The following CFAP77 variants were observed in gnomAD, a reference collection of about 807,000 sequenced individuals.
The protein encoded by CFAP77 is cilia- and flagella-associated protein 77.
Under a neutral mutation model 31.1 loss-of-function variants are expected in CFAP77, and 25 were observed. The observed-to-expected ratio is 0.80, with a 90% CI of 0.59 to 1.12. The LOEUF (loss-of-function observed/expected upper bound fraction) is 1.12, where lower values mean the gene tolerates loss of function less well. CFAP77 is among the 50% of genes most tolerant of loss of function. The pLI is 0.00. For synonymous variants in CFAP77, 151 were observed against 159.9 expected (o/e 0.94, Z 0.42); for missense variants, 377 against 397.3 (o/e 0.95, Z 0.44).
intron 1 of CFAP77, among the ~76,000 whole-genome samples, chr9:132,493,365 CAT>C (rs907990108): frequency 1.3e-5 from 2 of 152,194 alleles, no homozygotes; most frequent in African/African-American, 2.4e-5. Flanking sequence ...GTCTAAGAAA[CAT>C]AGACCAGAGA....
Position 132,501,896 on chromosome 9 carries a change from C to T in CFAP77, c.524+2296C>T, listed in dbSNP as rs1242323284. 6.6e-6 allele frequency among the ~76,000 whole-genome samples: 1 copy of T among 152,202 alleles called. No homozygotes were observed. The highest frequency in any genetic ancestry group is 1.5e-5 in the Non-Finnish European group (1 of 68,040). ...CTACGTGGGCCGATGGTGGAAAAGA[C>T]GTACAGACCAGGGTTGTGTTCCAGG... On this transcript the variant is annotated intron_variant, in intron 3 of 5. Coordinates refer to ENST00000393216, the MANE Select transcript of CFAP77 (RefSeq NM_001282957.2). The surrounding 1 kb of genome is among the most constrained non-coding windows in gnomAD (Gnocchi z 4.6).
chr9:132,446,698 A>G (rs373445066), intron 1 of CFAP77, among the ~76,000 whole-genome samples: 82 of 145,746 alleles, frequency 5.6e-4, no homozygotes, highest in Admixed American at 1.1e-3. Context: ...CAGAGATCAC[A>G]CCACTGCACT....
In CFAP77 at chr9:132,518,333, C is replaced by T. The variant is rs377042372; in HGVS notation, c.524+18733C>T. On this transcript the variant is annotated intron_variant, in intron 3 of 5. Coordinates refer to ENST00000393216, the MANE Select transcript of CFAP77 (RefSeq NM_001282957.2). The stretch of plus-strand genomic sequence containing the variant: ...CTTGACCAAGCTACCTCCACCTGGA[C>T]GAGATGACTGGATCATTCAGACCCG... Among the ~76,000 whole-genome samples the T allele has an allele frequency of 2.6e-3, 398 of 152,260 alleles. 2 individuals carry two copies. Among genetic ancestry groups the T allele is most frequent in the Non-Finnish European group, 3.4e-3 (228 of 68,008 alleles).
chr9:132,555,288 G>C (rs937400469), intron 5 of CFAP77, among the ~76,000 whole-genome samples: 7 of 152,112 alleles, frequency 4.6e-5, no homozygotes, highest in African/African-American at 1.7e-4. Context: ...ATTCCAATAA[G>C]ATAAAAGGGG....
intron 1 of CFAP77, among the ~76,000 whole-genome samples, chr9:132,436,679 C>A (rs897008675): frequency 2.6e-5 from 4 of 152,100 alleles, no homozygotes; most frequent in African/African-American, 9.7e-5. Context: ...TATCTAGTGG[C>A]CATTCCACCA....
chr9:132,462,534 A>G lies in CFAP77; in HGVS notation c.196-36161A>G, dbSNP rs144419978. On this transcript the variant is annotated intron_variant, in intron 1 of 5. Transcript: ENST00000393216. ...CATTTCTATCATCTCCAGGTTTTCAACGTCATAAAACTACACTGCAAGAAC... is the reference window on the plus strand; with the variant it reads ...CATTTCTATCATCTCCAGGTTTTCAGCGTCATAAAACTACACTGCAAGAAC... Among the ~76,000 whole-genome samples the G allele has an allele frequency of 1.2e-3, 177 of 152,258 alleles. 1 individual carries two copies. The highest frequency in any genetic ancestry group is 3.9e-3 in the African/African-American group (163 of 41,570).
chr9:132,423,562 A>G (rs1175250113), intron 1 of CFAP77, among the ~76,000 whole-genome samples: 1 of 152,218 alleles, frequency 6.6e-6, no homozygotes, highest in Non-Finnish European at 1.5e-5. Context: ...AATTGCCCAT[A>G]GTCACCCAGC....
In CFAP77 at chr9:132,511,837, C is replaced by T. The variant is rs1301498426; in HGVS notation, c.524+12237C>T. ...GTGGGAGGCTGAGGCGGGCGGATCA[C>T]GAGGTCAGGAGTTCGACACCAGCCT... On this transcript the variant is annotated intron_variant, in intron 3 of 5. Transcript: ENST00000393216. This position sits in a 1 kb window ranked among gnomAD's most constrained non-coding sequence, Gnocchi z 5.8. Among the ~76,000 whole-genome samples the T allele has an allele frequency of 6.6e-6, 1 of 152,092 alleles. No homozygotes were observed. Among genetic ancestry groups the T allele is most frequent in the Non-Finnish European group, 1.5e-5 (1 of 68,000 alleles).
At chr9:132,472,730 G>A (rs1475081299) in intron 1 of CFAP77, among the ~76,000 whole-genome samples, 1 of 152,152 alleles carries the variant, frequency 6.6e-6, no homozygotes, top group Non-Finnish European at 1.5e-5. Flanking sequence ...CTGCACCACT[G>A]CACTCCAGCC....
intron 1 of CFAP77, among the ~76,000 whole-genome samples, chr9:132,422,395 G>C (rs1850232441): frequency 2.0e-5 from 3 of 152,204 alleles, no homozygotes; most frequent in Admixed American, 1.3e-4. Flanking sequence ...AGGAGTGCAG[G>C]GCACTCAGAG....
At chr9:132,478,622 G>A (rs1851392588) in intron 1 of CFAP77, among the ~76,000 whole-genome samples, 1 of 152,170 alleles carries the variant, frequency 6.6e-6, no homozygotes, top group Non-Finnish European at 1.5e-5. Flanking sequence ...AAAACGCGAG[G>A]CTTCTCCAAG....
Position 132,497,285 on chromosome 9 carries a change from A to G in CFAP77, c.196-1410A>G, listed in dbSNP as rs750227199. Among the ~76,000 whole-genome samples, 3 of 151,848 alleles carry G rather than the reference A, an allele frequency of 2.0e-5. No homozygotes were observed. Among genetic ancestry groups the G allele is most frequent in the Non-Finnish European group, 2.9e-5 (2 of 67,950 alleles). ...CTGGGTGGTCCTTGACCATCTGTCTACCTCTCAGCACCCAGCCTGTGGGAG... is the reference window on the plus strand; with the variant it reads ...CTGGGTGGTCCTTGACCATCTGTCTGCCTCTCAGCACCCAGCCTGTGGGAG... On this transcript the variant is annotated intron_variant, in intron 1 of 5. Coordinates refer to ENST00000393216, the MANE Select transcript of CFAP77 (RefSeq NM_001282957.2). The surrounding 1 kb of genome is among the most constrained non-coding windows in gnomAD (Gnocchi z 4.9).
In CFAP77 at chr9:132,466,440, C is replaced by G. The variant is rs371448063; in HGVS notation, c.196-32255C>G. On this transcript the variant is annotated intron_variant, in intron 1 of 5. Coordinates refer to ENST00000393216, the MANE Select transcript of CFAP77 (RefSeq NM_001282957.2). Reference sequence around the variant, plus strand: ...CTTATACACCAAGTCCCAGGAGGAGCACAGTTCCTGGAACTTGGGTCATGG... The same window carrying G: ...CTTATACACCAAGTCCCAGGAGGAGGACAGTTCCTGGAACTTGGGTCATGG... Among the ~76,000 whole-genome samples, 6 of 152,308 alleles carry G rather than the reference C, an allele frequency of 3.9e-5. No individual in the cohort carries two copies. The East Asian group carries it at 1.2e-3, about 29-fold the overall frequency.
rs1851813038 is a variant in CFAP77 at position 132,499,821 on chromosome 9, TCACCCA to T, written c.524+223_524+228del. Among the ~76,000 whole-genome samples, 1 of 152,060 alleles carries T rather than the reference TCACCCA, an allele frequency of 6.6e-6. No individual in the cohort carries two copies. The highest frequency in any genetic ancestry group is 6.5e-5 in the Admixed American group (1 of 15,276). On this transcript the variant is annotated intron_variant, in intron 3 of 5. Transcript: ENST00000393216. The surrounding 1 kb of genome is among the most constrained non-coding windows in gnomAD (Gnocchi z 5.4). ...GGTACCCTGTAGGGCTGTGCACAGG[TCACCCA>T]CTTTCCCTTGATCAACAAACAGTGA...
intron 3 of CFAP77, chr9:132,513,418 T>C (rs1463449356): frequency 6.8e-7 from 1 of 1,478,336 alleles, no homozygotes; most frequent in Non-Finnish European, 9.0e-7. Flanking sequence ...CTGAGGCCCC[T>C]GTGCACACCT....
chr9:132,444,335 A>G (rs1850667634), intron 1 of CFAP77, among the ~76,000 whole-genome samples: 1 of 152,262 alleles, frequency 6.6e-6, no homozygotes, highest in Non-Finnish European at 1.5e-5. Flanking sequence ...AGATATCTGC[A>G]TAATCCACAG....
chr9:132,562,474 A>AT (rs1194901906), intron 5 of CFAP77, among the ~76,000 whole-genome samples: 1 of 151,820 alleles, frequency 6.6e-6, no homozygotes, highest in Non-Finnish European at 1.5e-5. Flanking sequence ...TATGTTTTTT[A>AT]TTTTTTTCAT....
In CFAP77 at chr9:132,542,948, G is replaced by A; in HGVS notation, c.633G>A (p.Val211=). Residue 211 remains valine (V), a splice_region_variant and synonymous_variant, in exon 5 of 6, where the codon GTG becomes GTA. Transcript: ENST00000393216. The part of the protein sequence containing the change: ...KAIKLEKKQK[V]VLGKLYETRS... ...CTTTGCCTTTCCCTGGCCTACAGGT[G>A]GTCCTTGGGAAGCTGTATGAGACCC... The A allele has an allele frequency of 6.2e-7, 1 of 1,613,900 alleles. No homozygotes were observed. The highest frequency in any genetic ancestry group is 2.2e-5 in the East Asian group (1 of 44,874).
chr9:132,558,395 T>C (rs1422925694), intron 5 of CFAP77, among the ~76,000 whole-genome samples: 1 of 152,234 alleles, frequency 6.6e-6, no homozygotes, highest in Admixed American at 6.5e-5. Flanking sequence ...GATGAATATA[T>C]AAATTACTCT....
Sources: allele counts gnomAD v4.1 joint callset (sites outside exome capture counted in the v4.1 genomes callset), GRCh38; gene constraint gnomAD v4.1.1; non-coding constraint Gnocchi (gnomAD v3.1); transcripts MANE v1.5; gene names NCBI Gene and HGNC (gene_info 2026-07-23, HGNC 2026-07-21).